UGT1A9: variants seen among roughly 807,000 people sequenced by gnomAD.
UGT1A9 encodes UDP-glucuronosyltransferase 1A9.
In UGT1A9, 35 loss-of-function variants were observed where a neutral mutation model predicts 45.0. That is an observed-to-expected ratio of 0.78 (90% confidence interval 0.59 to 1.03). The LOEUF is 1.03. Among genes scored for constraint, UGT1A9 ranks in the 50% least tolerant of loss-of-function variants. The pLI, the probability that UGT1A9 is intolerant of heterozygous loss-of-function variation, is 0.00. For synonymous variants in UGT1A9, 278 were observed against 250.6 expected (o/e 1.11, Z -1.03); for missense variants, 687 against 666.6 (o/e 1.03, Z -0.34).
chr2:233,734,315 C>T (rs1041289451), intron 1 of UGT1A9, among the ~76,000 whole-genome samples: 4 of 151,932 alleles, frequency 2.6e-5, no homozygotes, highest in African/African-American at 4.8e-5. Flanking sequence ...TTTGTGTAGA[C>T]GTATTTATAG....
At chr2:233,687,333 A>C (rs956341340) in intron 1 of UGT1A9, among the ~76,000 whole-genome samples, 11 of 152,196 alleles carry the variant, frequency 7.2e-5, no homozygotes, top group Non-Finnish European at 1.5e-4. Context: ...TTTCCCTTGA[A>C]TGATTTAAAC....
rs1699793349 is a variant in UGT1A9 at position 233,769,122 on chromosome 2, A to G, written c.1295+683A>G. On this transcript the variant is annotated intron_variant, in intron 4 of 4. Transcript: ENST00000354728. The surrounding 1 kb of genome is among the most constrained non-coding windows in gnomAD (Gnocchi z 4.4). ...TAAGAGAAAAACAACTCAAATGCTTAGAAGTACAGCTTTTTGCAGCACTGG... is the reference window on the plus strand; with the variant it reads ...TAAGAGAAAAACAACTCAAATGCTTGGAAGTACAGCTTTTTGCAGCACTGG... Among the ~76,000 whole-genome samples, 1 of 152,252 alleles carries G rather than the reference A, an allele frequency of 6.6e-6. No individual in the cohort carries two copies. The highest frequency in any genetic ancestry group is 1.5e-5 in the Non-Finnish European group (1 of 68,050).
chr2:233,690,457 A>T (rs1325697308), intron 1 of UGT1A9: 1 of 1,288,132 alleles, frequency 7.8e-7, no homozygotes, highest in East Asian at 5.6e-5. Flanking sequence ...TCAAAATGCC[A>T]GCTATCCTCC....
Position 233,672,254 on chromosome 2 carries a change from C to T in UGT1A9, c.320C>T (p.Ser107Phe), listed in dbSNP as rs771095934. The change falls in exon 1 of 5, where the codon TCT becomes TTT. Residue 107 changes from serine to phenylalanine, a missense_variant. Coordinates refer to ENST00000354728, the MANE Select transcript of UGT1A9 (RefSeq NM_021027.3). ...AAAGCACAAGTACGAAGTATATATT[C>T]TCTATTAATGGGTTCATACAATGAC... ...QWKAQVRSIY[S>F]LLMGSYNDIF... The T allele has an allele frequency of 6.2e-7, 1 of 1,614,132 alleles. No homozygotes were observed. The highest frequency in any genetic ancestry group is 8.5e-7 in the Non-Finnish European group (1 of 1,180,006).
intron 1 of UGT1A9, among the ~76,000 whole-genome samples, chr2:233,706,502 G>A (rs2075911233): frequency 6.6e-6 from 1 of 152,232 alleles, no homozygotes; most frequent in Non-Finnish European, 1.5e-5. Context: ...AGGCTGGTGT[G>A]ATGCTGAGGA....
chr2:233,740,676 A>C (rs1309493094), intron 1 of UGT1A9: 3 of 151,760 alleles, frequency 2.0e-5, no homozygotes, highest in Non-Finnish European at 4.4e-5. Flanking sequence ...AGGTGTTTCC[A>C]TGGAGGGTGT....
At chr2:233,697,038 T>C (rs772110742) in intron 1 of UGT1A9, among the ~76,000 whole-genome samples, 44 of 151,092 alleles carry the variant, frequency 2.9e-4, no homozygotes, top group Non-Finnish European at 6.2e-4. Context: ...CGCAGTTTTC[T>C]TTTTTTTTGT....
chr2:233,760,466 T>A (rs370892808), intron 1 of UGT1A9: 5 of 1,614,114 alleles, frequency 3.1e-6, no homozygotes, highest in Non-Finnish European at 4.2e-6. Context: ...ATAGTTGTCC[T>A]AGCACCTGAC....
intron 1 of UGT1A9, among the ~76,000 whole-genome samples, chr2:233,673,371 A>G (rs1184214213): frequency 6.6e-6 from 1 of 152,170 alleles, no homozygotes; most frequent in African/African-American, 2.4e-5. Flanking sequence ...GTAGTTTTTA[A>G]CCAATTAATA....
intron 1 of UGT1A9, among the ~76,000 whole-genome samples, chr2:233,707,191 C>T (rs976926305): frequency 6.3e-4 from 96 of 152,212 alleles, no homozygotes; most frequent in African/African-American, 2.1e-3. Flanking sequence ...GCCTGCCCTC[C>T]GTTCTATTCC....
intron 1 of UGT1A9, among the ~76,000 whole-genome samples, chr2:233,737,837 G>A (rs2125811418): frequency 6.6e-6 from 1 of 152,130 alleles, no homozygotes; most frequent in South Asian, 2.1e-4. Flanking sequence ...GGGAACTGTG[G>A]CACAGGTCAC....
intron 1 of UGT1A9, chr2:233,743,566 G>A (rs532152836): frequency 7.3e-7 from 1 of 1,367,298 alleles, no homozygotes; most frequent in African/African-American, 1.5e-5. Context: ...TCTCCAGCGG[G>A]TTTCCCAAGA....
chr2:233,687,328 C>T (rs543520407), intron 1 of UGT1A9, among the ~76,000 whole-genome samples: 1 of 152,190 alleles, frequency 6.6e-6, no homozygotes, highest in East Asian at 1.9e-4. Context: ...GCAAGTTTCC[C>T]TTGAATGATT....
chr2:233,712,893 T>A, intron 1 of UGT1A9: 1 of 1,605,864 alleles, frequency 6.2e-7, no homozygotes, highest in Non-Finnish European at 8.5e-7. Context: ...ACATGTTGAT[T>A]TGCTAGGTGT....
intron 1 of UGT1A9, chr2:233,692,803 T>G: frequency 3.6e-6 from 5 of 1,389,766 alleles, no homozygotes; most frequent in East Asian, 5.5e-5. Flanking sequence ...GACACGGCCA[T>G]AGTTGGTTCA....
At chr2:233,744,136 G>C (rs1692703742) in intron 1 of UGT1A9, 1 of 352,210 alleles carries the variant, frequency 2.8e-6, no homozygotes, top group East Asian at 7.7e-5. Flanking sequence ...GTGAGGCCCT[G>C]TGATGCTCCA....
At chr2:233,724,729 A>G (rs1205720342) in intron 1 of UGT1A9, among the ~76,000 whole-genome samples, 1 of 143,524 alleles carries the variant, frequency 7.0e-6, no homozygotes, top group Non-Finnish European at 1.5e-5. Flanking sequence ...GCAGCCAGGC[A>G]GAGGGGCTCC....
intron 1 of UGT1A9, among the ~76,000 whole-genome samples, chr2:233,674,931 G>A (rs1343916543): frequency 6.6e-6 from 1 of 152,200 alleles, no homozygotes; most frequent in Admixed American, 6.5e-5. Context: ...TCTGGGAAAA[G>A]CATGCAGTTG....
chr2:233,720,312 A>G (rs1277563393), intron 1 of UGT1A9, among the ~76,000 whole-genome samples: 1 of 152,106 alleles, frequency 6.6e-6, no homozygotes, highest in African/African-American at 2.4e-5. Context: ...CTGGTGTATG[A>G]TGTGGGGACA....
Sources: gnomAD v4.1 joint callset for allele counts (sites outside exome capture counted in the v4.1 genomes callset) on GRCh38, gnomAD v4.1.1 for gene constraint, Gnocchi (gnomAD v3.1) non-coding constraint, MANE v1.5 for transcripts, NCBI Gene and HGNC (gene_info 2026-07-23, HGNC 2026-07-21) for gene names.